Variants in NDST4 observed in about 807,000 individuals in gnomAD.
The protein encoded by NDST4 is N-deacetylase and N-sulfotransferase 4.
A neutral mutation model predicts 100.8 loss-of-function variants in NDST4; 63 were observed. The ratio of observed to expected loss-of-function variants is 0.62; its 90% CI spans 0.51 to 0.77. The LOEUF (loss-of-function observed/expected upper bound fraction) is 0.77, where lower values mean the gene tolerates loss of function less well. Among genes scored for constraint, NDST4 ranks in the 30% least tolerant of loss-of-function variants. The pLI, the probability that NDST4 is intolerant of heterozygous loss-of-function variation, is 0.00. For synonymous variants in NDST4, 377 were observed against 361.8 expected, an observed-to-expected ratio of 1.04 and a Z score of -0.48; for missense variants, 943 against 1,018.4, an observed-to-expected ratio of 0.93 and a Z score of 1.01.
chr4:114,993,463 A>G (rs1727093653), intron 2 of NDST4, among the ~76,000 whole-genome samples: 1 of 151,954 alleles, frequency 6.6e-6, no homozygotes, highest in Non-Finnish European at 1.5e-5. Flanking sequence ...GAAATCAGAA[A>G]TAGAAAGTGG....
chr4:115,057,099 T>C (rs2126281575), intron 2 of NDST4, among the ~76,000 whole-genome samples: 1 of 152,290 alleles, frequency 6.6e-6, no homozygotes, highest in South Asian at 2.1e-4. Flanking sequence ...CGACATTATA[T>C]AATCCCAGAG....
intron 1 of NDST4, among the ~76,000 whole-genome samples, chr4:115,081,258 C>A (rs1413996149): frequency 2.0e-5 from 3 of 152,074 alleles, no homozygotes; most frequent in African/African-American, 7.2e-5. Context: ...GGTGTTTTAA[C>A]TAAAGGAGTT....
intron 4 of NDST4, among the ~76,000 whole-genome samples, chr4:114,946,182 C>T (rs549868319): frequency 6.6e-6 from 1 of 152,196 alleles, no homozygotes; most frequent in Non-Finnish European, 1.5e-5. Context: ...TTGGCACGTG[C>T]TTTGCTAAAT....
chr4:114,839,521 C>A lies in NDST4; in HGVS notation c.2143G>T (p.Ala715Ser), dbSNP rs1235620360. ...ACTTCATAGAAATTGAACCTCAGAG[C>A]AGCTGGATCTTCATGTGATCGTTGG... ...QHQRSHEDPA[A>S]LRFNFYEVIS... is the part of the protein sequence containing the mutation. Residue 715 changes from alanine (A) to serine (S), a missense_variant, in exon 11 of 14, where the codon GCT becomes TCT. Physicochemically the swap from Ala to Ser is moderately conservative, Grantham distance 99. This residue lies in a region of NDST4 where 526 missense variants were observed against 634.1 expected (regional missense o/e 0.83). Coordinates refer to ENST00000264363, the MANE Select transcript of NDST4 (RefSeq NM_022569.3). The A allele has an allele frequency of 6.2e-7, 1 of 1,613,492 alleles. No individual in the cohort carries two copies. The highest frequency in any genetic ancestry group is 8.5e-7 in the Non-Finnish European group (1 of 1,179,766).
chr4:115,080,048 TC>T (rs1729269626), intron 1 of NDST4, among the ~76,000 whole-genome samples: 1 of 152,168 alleles, frequency 6.6e-6, no homozygotes. Flanking sequence ...GTTTGCAGTC[TC>T]CCCAGTGACT....
At chr4:115,016,213 T>G (rs981105392) in intron 2 of NDST4, among the ~76,000 whole-genome samples, 1 of 152,024 alleles carries the variant, frequency 6.6e-6, no homozygotes, top group African/African-American at 2.4e-5. Context: ...TTTGATAGAT[T>G]AGTGGAAAGG....
intron 6 of NDST4, among the ~76,000 whole-genome samples, chr4:114,883,720 A>T (rs1308794254): frequency 6.6e-6 from 1 of 152,116 alleles, no homozygotes; most frequent in African/African-American, 2.4e-5. Context: ...CCAGGAAGAC[A>T]ATTTTGACAA....
rs927373769 is a variant in NDST4, at chr4:115,110,418, C to A, written c.-247+3026G>T. ...CGTAAACTTCAAATAAATCAACAGA[C>A]AACATGGTTTCTCTTTTTCCTAGTT... On this transcript the variant is annotated intron_variant, in intron 1 of 13. Transcript: ENST00000264363. Among the ~76,000 whole-genome samples the A allele has an allele frequency of 2.0e-5, 3 of 151,968 alleles. No individual in the cohort carries two copies. In the East Asian group the frequency reaches 5.8e-4, roughly 29 times the overall value.
chr4:115,053,535 C>A (rs1728629320), intron 2 of NDST4, among the ~76,000 whole-genome samples: 1 of 152,026 alleles, frequency 6.6e-6, no homozygotes, highest in Non-Finnish European at 1.5e-5. Context: ...TCAGTCCTTG[C>A]ACTCTGGGGA....
At chr4:114,903,165 A>G (rs1002615412) in intron 6 of NDST4, among the ~76,000 whole-genome samples, 2 of 152,104 alleles carry the variant, frequency 1.3e-5, no homozygotes, top group African/African-American at 4.8e-5. Context: ...TGGCAGCCAG[A>G]TATGATTACT....
intron 2 of NDST4, among the ~76,000 whole-genome samples, chr4:115,022,449 C>CATATATATATGTGTTCCAT (rs111643281): frequency 1.4e-4 from 2 of 14,520 alleles, no homozygotes; most frequent in African/African-American, 8.2e-4. Flanking sequence ...ATATGTGTTC[C>CATATATATATGTGTTCCAT]ATATATATGT....
intron 6 of NDST4, among the ~76,000 whole-genome samples, chr4:114,903,454 A>G (rs1175042436): frequency 1.3e-5 from 2 of 151,980 alleles, no homozygotes; most frequent in African/African-American, 2.4e-5. Flanking sequence ...AGACTTGTCT[A>G]CTGAGCCTGT....
At chr4:115,089,729 T>C (rs949679791) in intron 1 of NDST4, among the ~76,000 whole-genome samples, 2 of 151,950 alleles carry the variant, frequency 1.3e-5, no homozygotes, top group East Asian at 3.9e-4. Flanking sequence ...AGTAAGTCAG[T>C]TAAATTGACG....
At chr4:114,997,140 T>A (rs1187339398) in intron 2 of NDST4, among the ~76,000 whole-genome samples, 1 of 152,090 alleles carries the variant, frequency 6.6e-6, no homozygotes, top group Non-Finnish European at 1.5e-5. Context: ...TGATTCATTT[T>A]CTAACTTCGG....
chr4:114,929,082 A>G (rs62315268), intron 6 of NDST4, among the ~76,000 whole-genome samples: 20,555 of 112,758 alleles, frequency 0.18, 1,749 homozygotes, highest in Non-Finnish European at 0.23. Context: ...CCGTCCATCC[A>G]TCCATCCATC....
intron 2 of NDST4, among the ~76,000 whole-genome samples, chr4:114,994,945 C>CTT (rs5861199): frequency 1.3e-5 from 2 of 151,516 alleles, no homozygotes; most frequent in Non-Finnish European, 2.9e-5. Context: ...AAATTATCTG[C>CTT]TTTTTTTGGG....
At chr4:115,091,483 G>T (rs1729517841) in intron 1 of NDST4, among the ~76,000 whole-genome samples, 1 of 151,974 alleles carries the variant, frequency 6.6e-6, no homozygotes, top group Admixed American at 6.6e-5. Flanking sequence ...TTGTGAGGTA[G>T]AAAGAAAAAA....
At chr4:115,047,021 C>T (rs1476338414) in intron 2 of NDST4, among the ~76,000 whole-genome samples, 1 of 151,976 alleles carries the variant, frequency 6.6e-6, no homozygotes, top group African/African-American at 2.4e-5. Flanking sequence ...TCATTCTTTA[C>T]AATTGAATTT....
intron 2 of NDST4, among the ~76,000 whole-genome samples, chr4:114,990,939 T>A (rs796909148): frequency 6.6e-6 from 1 of 152,084 alleles, no homozygotes; most frequent in East Asian, 1.9e-4. Flanking sequence ...AGACTTCAAC[T>A]CTTATTGCTC....
Sources: gnomAD v4.1 joint callset for allele counts (sites outside exome capture counted in the v4.1 genomes callset) on GRCh38, gnomAD v4.1.1 for gene constraint, gnomAD v4.1.1 regional missense constraint, MANE v1.5 for transcripts, NCBI Gene and HGNC (gene_info 2026-07-23, HGNC 2026-07-21) for gene names.